KLF12: variants seen among roughly 807,000 people sequenced by gnomAD.
KLF12 encodes the protein KLF transcription factor 12, also known as Krueppel-like factor 12.
Under a neutral mutation model 37.8 loss-of-function variants are expected in KLF12, and 9 were observed. The observed-to-expected ratio is 0.24, with a 90% CI of 0.14 to 0.42. KLF12 has a LOEUF of 0.42. KLF12 is among the 10% of genes least tolerant of loss of function. The probability of loss-of-function intolerance (pLI) is 1.00; values close to 1 mark genes in which losing one functional copy is unlikely to be tolerated. For missense variants in KLF12, 411 were observed against 516.0 expected (o/e 0.80, Z 1.97); for synonymous variants, 208 against 202.1 (o/e 1.03, Z -0.25).
chr13:74,044,723 T>C (rs1338244563), intron 1 of KLF12, among the ~76,000 whole-genome samples: 1 of 151,924 alleles, frequency 6.6e-6, no homozygotes, highest in Admixed American at 6.6e-5. Flanking sequence ...CGGGCGCCTG[T>C]AGTCCCAGCT....
At chr13:74,186,467 T>C in the KLF12 span, among the ~76,000 whole-genome samples, 1 of 152,120 alleles carries the variant, frequency 6.6e-6, no homozygotes, top group African/African-American at 2.4e-5. Flanking sequence ...CCAGGAACTT[T>C]GGACAGGTTG....
intron 1 of KLF12, among the ~76,000 whole-genome samples, chr13:74,082,163 TAA>T (rs57156299): frequency 6.1e-5 from 7 of 114,748 alleles, no homozygotes; most frequent in African/African-American, 1.8e-4. Flanking sequence ...CCCTGTCTCT[TAA>T]AAAAAAAAAA....
the KLF12 span, among the ~76,000 whole-genome samples, chr13:74,201,181 C>G: frequency 6.6e-6 from 1 of 152,126 alleles, no homozygotes; most frequent in Non-Finnish European, 1.5e-5. Context: ...GAGTAGGATA[C>G]AAGGAGAGAT....
At position 73,893,069 on chromosome 13, in the gene KLF12, G is replaced by C. The variant is rs552475522; in HGVS notation, c.124-46696C>G. Among the ~76,000 whole-genome samples the C allele has an allele frequency of 1.2e-4, 18 of 150,634 alleles. 1 individual carries two copies. The highest frequency in any genetic ancestry group is 4.1e-4 in the African/African-American group (17 of 41,220). The stretch of plus-strand genomic sequence containing the variant: ...TTTCTTATTTCCTATTCTGCTGACT[G>C]ATTATCAGCCCCCAAAGCAGGCTTT... On this transcript the variant is annotated intron_variant, in intron 3 of 7. Coordinates refer to ENST00000377669, the MANE Select transcript of KLF12 (RefSeq NM_007249.5).
intron 2 of KLF12, among the ~76,000 whole-genome samples, chr13:73,977,751 C>T (rs1433157861): frequency 6.6e-6 from 1 of 152,180 alleles, no homozygotes; most frequent in Non-Finnish European, 1.5e-5. Context: ...TCAGGACAGT[C>T]TGGTCTTGGC....
At chr13:73,781,524 A>G (rs909790465) in intron 5 of KLF12, among the ~76,000 whole-genome samples, 2 of 152,258 alleles carry the variant, frequency 1.3e-5, no homozygotes, top group African/African-American at 4.8e-5. Flanking sequence ...CCTCTTTTAA[A>G]TAATCAAGAC....
rs369776774 is a variant in KLF12, at chr13:73,927,013, C to T, written c.123+16968G>A. Among the ~76,000 whole-genome samples the T allele has an allele frequency of 1.5e-3, 224 of 149,904 alleles. 2 individuals carry two copies. The highest frequency in any genetic ancestry group is 4.9e-3 in the African/African-American group (202 of 40,902). Reference sequence around the variant, plus strand: ...AACATGGAATTGAAATAAAGTCATACGAAATAGCATAAAAAATGTGAAAGG... The same window carrying T: ...AACATGGAATTGAAATAAAGTCATATGAAATAGCATAAAAAATGTGAAAGG... On this transcript the variant is annotated intron_variant, in intron 3 of 7. Transcript: ENST00000377669.
intron 3 of KLF12, among the ~76,000 whole-genome samples, chr13:73,902,315 T>C (rs1888078795): frequency 6.6e-6 from 1 of 152,196 alleles, no homozygotes; most frequent in East Asian, 1.9e-4. Context: ...TATTTCTCAG[T>C]CATTTTACAC....
chr13:73,849,923 G>A (rs375902458), intron 3 of KLF12, among the ~76,000 whole-genome samples: 2 of 152,116 alleles, frequency 1.3e-5, no homozygotes, highest in East Asian at 3.8e-4. Flanking sequence ...TCATATTCAT[G>A]CTAAAACCCT....
chr13:74,040,474 G>A (rs1376156415), intron 1 of KLF12, among the ~76,000 whole-genome samples: 1 of 152,144 alleles, frequency 6.6e-6, no homozygotes, highest in African/African-American at 2.4e-5. Flanking sequence ...AGAAGACCTG[G>A]GGAGCCTCCA....
chr13:73,993,832 T>C (rs554263048), intron 2 of KLF12, among the ~76,000 whole-genome samples: 23 of 152,218 alleles, frequency 1.5e-4, no homozygotes, highest in African/African-American at 2.2e-4. Flanking sequence ...ACCACAGGAA[T>C]TGACAAACAC....
chr13:73,746,735 A>T (rs1878394921), intron 6 of KLF12, among the ~76,000 whole-genome samples: 1 of 151,914 alleles, frequency 6.6e-6, no homozygotes, highest in Non-Finnish European at 1.5e-5. Context: ...AAAAAAATTA[A>T]GAGTGATTTA....
intron 1 of KLF12, among the ~76,000 whole-genome samples, chr13:74,115,888 A>G (rs1299040591): frequency 2.0e-5 from 3 of 152,142 alleles, no homozygotes; most frequent in Admixed American, 2.0e-4. Context: ...TGAGAAATCC[A>G]GGATGTTCTC....
the KLF12 span, among the ~76,000 whole-genome samples, chr13:74,274,210 A>T: frequency 6.6e-6 from 1 of 152,122 alleles, no homozygotes; most frequent in African/African-American, 2.4e-5. Context: ...GCTTAAGCCC[A>T]CTACTTCCTC....
the KLF12 span, among the ~76,000 whole-genome samples, chr13:74,278,681 C>T: frequency 3.9e-5 from 6 of 152,142 alleles, no homozygotes; most frequent in African/African-American, 4.8e-5. Context: ...AATCTCCACC[C>T]GCTGCCTTTT....
chr13:74,191,060 G>A, the KLF12 span, among the ~76,000 whole-genome samples: 6 of 152,202 alleles, frequency 3.9e-5, no homozygotes, highest in Admixed American at 3.3e-4. Context: ...GAAGCTAGGA[G>A]TATCTTAATG....
chr13:73,743,889 T>G (rs539582108), intron 6 of KLF12, among the ~76,000 whole-genome samples: 2 of 152,190 alleles, frequency 1.3e-5, no homozygotes, highest in Non-Finnish European at 2.9e-5. Flanking sequence ...CATGGAGGGC[T>G]CTTATCATTT....
intron 1 of KLF12, among the ~76,000 whole-genome samples, chr13:74,072,767 G>A (rs1874347983): frequency 6.6e-6 from 1 of 152,110 alleles, no homozygotes; most frequent in Non-Finnish European, 1.5e-5. Context: ...TGACTACAAT[G>A]TAAGCTACAA....
At chr13:73,849,013 T>C (rs552711052) in intron 3 of KLF12, among the ~76,000 whole-genome samples, 5 of 152,282 alleles carry the variant, frequency 3.3e-5, no homozygotes, top group Non-Finnish European at 4.4e-5. Flanking sequence ...TAATCTCTTA[T>C]GCAATGATTA....
Sources: gnomAD v4.1 joint callset for allele counts (sites outside exome capture counted in the v4.1 genomes callset) on GRCh38, gnomAD v4.1.1 for gene constraint, MANE v1.5 for transcripts, NCBI Gene and HGNC (gene_info 2026-07-23, HGNC 2026-07-21) for gene names.